SLC38A1: variants seen among roughly 807,000 people sequenced by gnomAD.
SLC38A1 encodes the protein solute carrier family 38 member 1.
SLC38A1 carries 18 observed loss-of-function variants against 60.3 expected under a neutral mutation model. That is an observed-to-expected ratio of 0.30 (90% CI 0.21 to 0.44). The LOEUF (loss-of-function observed/expected upper bound fraction) is 0.44, where lower values mean the gene tolerates loss of function less well. SLC38A1 is among the 20% of genes least tolerant of loss of function. The pLI is 1.00. For missense variants in SLC38A1, 448 were observed against 587.2 expected (o/e 0.76, Z 2.45); for synonymous variants, 196 against 212.1 (o/e 0.92, Z 0.66).
intron 8 of SLC38A1, among the ~76,000 whole-genome samples, 184 bp downstream of exon 8, chr12:46,206,971 G>A (rs1492889): frequency 0.22 from 33,501 of 152,124 alleles, 4,309 homozygotes; most frequent in Admixed American, 0.31. Flanking sequence ...ATGTGCATAT[G>A]CAAATGGCTC....
rs759729703 is a variant in SLC38A1, at chr12:46,204,518, CA to C, written c.705+13del. The C allele has an allele frequency of 4.8e-5, 78 of 1,612,350 alleles. No homozygotes were observed. Among genetic ancestry groups the C allele is most frequent in the Non-Finnish European group, 6.4e-5 (76 of 1,179,140 alleles). ...TATCACAAAACCAAACCAACCATTG[CA>C]ATCAGCACTTACCACAATTAGGAAA... On this transcript the variant is annotated intron_variant, in intron 10 of 16. Transcript: ENST00000398637.
intron 3 of SLC38A1, among the ~76,000 whole-genome samples, chr12:46,234,303 T>C: frequency 6.6e-6 from 1 of 152,224 alleles, no homozygotes; most frequent in South Asian, 2.1e-4. Flanking sequence ...GTTTAGAAAT[T>C]AGGGAGTAGC....
intron 12 of SLC38A1, 144 bp from the exon 13 acceptor site, chr12:46,201,342 C>T: frequency 1.5e-6 from 1 of 662,780 alleles, no homozygotes; most frequent in Non-Finnish European, 2.6e-6. Context: ...GCAGTTATGC[C>T]AGTTGAAAAT....
At chr12:46,256,038 G>A (rs1942008397) in intron 1 of SLC38A1, among the ~76,000 whole-genome samples, 1 of 151,786 alleles carries the variant, frequency 6.6e-6, no homozygotes, top group Admixed American at 6.6e-5. Flanking sequence ...ATGGTGGCAG[G>A]CGCCTGTAGT....
chr12:46,264,966 T>C (rs1244685788), intron 1 of SLC38A1, among the ~76,000 whole-genome samples: 1 of 152,220 alleles, frequency 6.6e-6, no homozygotes, highest in East Asian at 1.9e-4. Flanking sequence ...CATCAAGATA[T>C]ATTTTCAGAA....
chr12:46,190,094 C>G (rs1196778942), intron 16 of SLC38A1, among the ~76,000 whole-genome samples: 1 of 152,156 alleles, frequency 6.6e-6, no homozygotes, highest in Non-Finnish European at 1.5e-5. Flanking sequence ...CCGGGCCCCC[C>G]ACCCCACGAC....
intron 6 of SLC38A1, 35 bp from the exon 7 acceptor site, chr12:46,207,656 G>T: frequency 1.3e-6 from 2 of 1,577,172 alleles, no homozygotes; most frequent in South Asian, 1.1e-5. Context: ...CACAAGAAAT[G>T]ACAGGGTTCA....
At chr12:46,236,457 GTAT>G (rs1042758241) in intron 3 of SLC38A1, among the ~76,000 whole-genome samples, 9 of 152,220 alleles carry the variant, frequency 5.9e-5, no homozygotes, top group South Asian at 2.1e-4. Context: ...ATGAGGAAAG[GTAT>G]TATTATTATC....
intron 1 of SLC38A1, among the ~76,000 whole-genome samples, chr12:46,249,549 C>G: frequency 6.6e-6 from 1 of 152,214 alleles, no homozygotes; most frequent in East Asian, 1.9e-4. Flanking sequence ...AATCCTGGAG[C>G]TGGTTTTTTG....
At chr12:46,215,453 C>G (rs899938661) in intron 5 of SLC38A1, among the ~76,000 whole-genome samples, 2 of 152,078 alleles carry the variant, frequency 1.3e-5, no homozygotes, top group Admixed American at 6.5e-5. Context: ...GCTCTGTCAC[C>G]CAGGCTGGAG....
At chr12:46,212,139 A>C (rs1167716099) in intron 5 of SLC38A1, among the ~76,000 whole-genome samples, 1 of 150,934 alleles carries the variant, frequency 6.6e-6, no homozygotes, top group Non-Finnish European at 1.5e-5. Flanking sequence ...CATGACATCT[A>C]AGAGAAAGAA....
At chr12:46,217,364 C>T (rs946534024) in intron 5 of SLC38A1, among the ~76,000 whole-genome samples, 1 of 152,126 alleles carries the variant, frequency 6.6e-6, no homozygotes, top group Non-Finnish European at 1.5e-5. Context: ...AAACAAAAAT[C>T]TTAGAATGAA....
chr12:46,226,947 T>C (rs1379301212), intron 5 of SLC38A1, among the ~76,000 whole-genome samples: 1 of 152,106 alleles, frequency 6.6e-6, no homozygotes, highest in Non-Finnish European at 1.5e-5. Flanking sequence ...AAAGAAAAGA[T>C]TGCACCCAAT....
chr12:46,216,086 C>T lies in SLC38A1; in HGVS notation c.315-6959G>A, dbSNP rs74371980. Among the ~76,000 whole-genome samples, 391 of 152,304 alleles carry T rather than the reference C, an allele frequency of 2.6e-3. 1 individual carries two copies. Among genetic ancestry groups the T allele is most frequent in the African/African-American group, 8.5e-3 (352 of 41,562 alleles). On this transcript the variant is annotated intron_variant, in intron 5 of 16. Transcript: ENST00000398637. The stretch of plus-strand genomic sequence containing the variant: ...TTTCTGCTATTGCTGGCCTCTCCCT[C>T]ACCCTCTTCTACCTCTTACTTCTAG...
chr12:46,240,300 G>A (rs1424580479), intron 2 of SLC38A1, among the ~76,000 whole-genome samples: 3 of 152,128 alleles, frequency 2.0e-5, no homozygotes, highest in Admixed American at 6.5e-5. Context: ...TGGTTCAAGC[G>A]ATTCTCCTGC....
intron 9 of SLC38A1, among the ~76,000 whole-genome samples, chr12:46,205,714 G>C (rs1939865773): frequency 6.6e-6 from 1 of 152,076 alleles, no homozygotes; most frequent in Non-Finnish European, 1.5e-5. Context: ...CTCCATATTA[G>C]ATTTGAAAAT....
intron 1 of SLC38A1, among the ~76,000 whole-genome samples, chr12:46,249,287 T>C (rs144575562): frequency 6.6e-6 from 1 of 151,766 alleles, no homozygotes; most frequent in African/African-American, 2.4e-5. Flanking sequence ...TTGAAGCCAA[T>C]GAGAACAAAG....
At chr12:46,195,960 C>A in intron 16 of SLC38A1, 1 of 522,800 alleles carries the variant, frequency 1.9e-6, no homozygotes, top group Admixed American at 3.0e-5. Context: ...GGGCTGCACC[C>A]ACTGTCCAAC....
intron 1 of SLC38A1, among the ~76,000 whole-genome samples, chr12:46,259,110 C>T (rs367556024): frequency 1.3e-5 from 2 of 152,280 alleles, no homozygotes. Flanking sequence ...CTCTAGTAAC[C>T]ATTTTACCAC....
Sources: gnomAD v4.1 joint callset for allele counts (sites outside exome capture counted in the v4.1 genomes callset) on GRCh38, gnomAD v4.1.1 for gene constraint, MANE v1.5 for transcripts, NCBI Gene and HGNC (gene_info 2026-07-23, HGNC 2026-07-21) for gene names.